Variants in CAMTA1 observed in about 807,000 individuals in gnomAD.
The protein encoded by CAMTA1 is calmodulin binding transcription activator 1, also known as calmodulin-binding transcription activator 1.
A neutral mutation model predicts 170.9 loss-of-function variants in CAMTA1; 27 were observed. That is an observed-to-expected ratio of 0.16 (90% CI 0.12 to 0.22). CAMTA1 has a LOEUF of 0.22. CAMTA1 is among the 10% of genes least tolerant of loss of function. CAMTA1 has a pLI of 1.00. For synonymous variants in CAMTA1, 833 were observed against 891.5 expected (o/e 0.93, Z 1.17); for missense variants, 1,619 against 2,217.2 (o/e 0.73, Z 5.42).
intron 3 of CAMTA1, among the ~76,000 whole-genome samples, chr1:6,905,083 T>A (rs1284291677): frequency 6.6e-6 from 1 of 152,072 alleles, no homozygotes; most frequent in Non-Finnish European, 1.5e-5. Context: ...GATCCATAAA[T>A]TCTGCCTGTG....
chr1:6,977,363 T>C (rs995715428), intron 3 of CAMTA1, among the ~76,000 whole-genome samples: 2 of 151,882 alleles, frequency 1.3e-5, no homozygotes, highest in African/African-American at 4.8e-5. Context: ...GAAGGAGTCT[T>C]GCTCTGTTGC....
chr1:6,881,935 C>G (rs993109580), intron 3 of CAMTA1, among the ~76,000 whole-genome samples: 2 of 151,868 alleles, frequency 1.3e-5, no homozygotes, highest in Non-Finnish European at 2.9e-5. Flanking sequence ...CCACTGCACT[C>G]CAGCCTGGGA....
At chr1:7,352,500 C>T (rs1226850248) in intron 5 of CAMTA1, among the ~76,000 whole-genome samples, 2 of 152,232 alleles carry the variant, frequency 1.3e-5, no homozygotes, top group Non-Finnish European at 2.9e-5. Context: ...GACTCTGTCC[C>T]AGCTCCAGGC....
rs1033653630 is a variant in CAMTA1 at position 7,560,330 on chromosome 1, C to T, written c.511-80070C>T. ...GTCCCCTGAGGCAGGTGCTGAGGCT[C>T]ACCCTGCAGCCCAGGCTCCAGGCAC... On this transcript the variant is annotated intron_variant, in intron 6 of 22. Transcript: ENST00000303635. Among the ~76,000 whole-genome samples the T allele has an allele frequency of 2.3e-4, 35 of 152,204 alleles. 1 individual carries two copies. Among genetic ancestry groups the T allele is most frequent in the South Asian group, 4.1e-4 (2 of 4,832 alleles).
chr1:6,847,465 G>T (rs1658643190), intron 3 of CAMTA1, among the ~76,000 whole-genome samples: 2 of 152,042 alleles, frequency 1.3e-5, no homozygotes, highest in East Asian at 3.9e-4. Context: ...GGTTTAAGGA[G>T]AGAGATGGAT....
intron 5 of CAMTA1, among the ~76,000 whole-genome samples, chr1:7,378,588 G>C (rs2087024616): frequency 6.6e-6 from 1 of 152,134 alleles, no homozygotes; most frequent in East Asian, 1.9e-4. Context: ...GGTTGCCTGG[G>C]GCCGGGGGCA....
intron 15 of CAMTA1, 23 bp from the exon 16 acceptor site, chr1:7,737,936 A>G (rs2150007610): frequency 4.5e-6 from 7 of 1,570,798 alleles, no homozygotes; most frequent in South Asian, 2.4e-5. Flanking sequence ...TGTCCTGACT[A>G]TCCTTTCTAC....
chr1:7,473,372 C>T (rs115206522), intron 6 of CAMTA1, among the ~76,000 whole-genome samples: 1,857 of 152,310 alleles, frequency 0.012, 48 homozygotes, highest in African/African-American at 0.042. Flanking sequence ...AGCTCCATGG[C>T]AGAGGGACCG....
chr1:7,005,414 CT>C (rs1698834758), intron 3 of CAMTA1, among the ~76,000 whole-genome samples: 1 of 152,238 alleles, frequency 6.6e-6, no homozygotes. Context: ...ATCAATCCAT[CT>C]GTGAATTCAT....
intron 11 of CAMTA1, among the ~76,000 whole-genome samples, chr1:7,704,261 A>G (rs868023437): frequency 0.025 from 3,616 of 145,766 alleles, 128 homozygotes; most frequent in African/African-American, 0.083. Flanking sequence ...GCGGGGAGCC[A>G]GGCAGGGCGG....
intron 4 of CAMTA1, among the ~76,000 whole-genome samples, chr1:7,215,115 T>C (rs973735274): frequency 6.6e-6 from 1 of 152,120 alleles, no homozygotes; most frequent in Non-Finnish European, 1.5e-5. Flanking sequence ...ATTTGGAATA[T>C]TTGTGTTTTC....
chr1:7,711,105 T>C (rs895778286), intron 11 of CAMTA1, among the ~76,000 whole-genome samples: 15 of 152,166 alleles, frequency 9.9e-5, no homozygotes, highest in African/African-American at 3.4e-4. Flanking sequence ...TTCTGGAGGC[T>C]GAAAGTCCAA....
intron 3 of CAMTA1, among the ~76,000 whole-genome samples, chr1:7,081,652 A>C (rs1640023795): frequency 6.6e-6 from 1 of 152,214 alleles, no homozygotes; most frequent in African/African-American, 2.4e-5. Flanking sequence ...CTACAAATCC[A>C]AGCCGGCCAT....
At chr1:7,764,816 T>C (rs2097005217) in intron 22 of CAMTA1, among the ~76,000 whole-genome samples, 1 of 151,894 alleles carries the variant, frequency 6.6e-6, no homozygotes. Context: ...AAAAATTAGC[T>C]AGGCGTGGTG....
At chr1:6,988,323 G>C (rs1241387133) in intron 3 of CAMTA1, among the ~76,000 whole-genome samples, 1 of 152,150 alleles carries the variant, frequency 6.6e-6, no homozygotes, top group Non-Finnish European at 1.5e-5. Flanking sequence ...CCAAGTGTTA[G>C]GGAGTGCGGG....
chr1:7,544,508 G>C (rs1367723435), intron 6 of CAMTA1, among the ~76,000 whole-genome samples: 4 of 152,196 alleles, frequency 2.6e-5, no homozygotes, highest in Non-Finnish European at 5.9e-5. Flanking sequence ...TCATCCCCAT[G>C]AAAATCAAAG....
chr1:6,990,946 A>T (rs946617125), intron 3 of CAMTA1, among the ~76,000 whole-genome samples: 1 of 151,996 alleles, frequency 6.6e-6, no homozygotes, highest in Admixed American at 6.6e-5. Context: ...TGGTGACCGG[A>T]GGAGTGTATA....
chr1:7,143,932 G>A lies in CAMTA1; in HGVS notation c.302+52561G>A, dbSNP rs1291790353. ...GTTTCTATTCAAGTTCTTCCTGTGC[G>A]TGTTGTCATCCACAAAGCCACTCTG... On this transcript the variant is annotated intron_variant, in intron 4 of 22. Coordinates refer to ENST00000303635, the MANE Select transcript of CAMTA1 (RefSeq NM_015215.4). 3.3e-5 allele frequency among the ~76,000 whole-genome samples: 5 copies of A among 152,004 alleles called. No homozygotes were observed. The East Asian group carries it at 7.7e-4, about 23-fold the overall frequency.
chr1:7,597,907 G>A (rs966775935), intron 6 of CAMTA1, among the ~76,000 whole-genome samples: 5 of 151,282 alleles, frequency 3.3e-5, no homozygotes, highest in East Asian at 3.9e-4. Flanking sequence ...ATGCCGTGGT[G>A]GTTTGCTGCG....
Sources: allele counts gnomAD v4.1 joint callset (sites outside exome capture counted in the v4.1 genomes callset), GRCh38; gene constraint gnomAD v4.1.1; transcripts MANE v1.5; gene names NCBI Gene and HGNC (gene_info 2026-07-23, HGNC 2026-07-21).